The following MAS1 variants were observed in gnomAD, a reference collection of about 807,000 sequenced individuals.
The protein encoded by MAS1 is proto-oncogene Mas.
For missense variants in MAS1, 387 were observed against 409.7 expected, an observed-to-expected ratio of 0.94 and a Z score of 0.48; for synonymous variants, 163 against 164.2, an observed-to-expected ratio of 0.99 and a Z score of 0.05.
intron 1 of MAS1, among the ~76,000 whole-genome samples, chr6:159,894,418 CAAAAAAAAAAAAA>C (rs5881344): frequency 3.8e-5 from 3 of 79,134 alleles, no homozygotes; most frequent in Non-Finnish European, 5.1e-5. Flanking sequence ...GACCCTGTCT[CAAAAAAAAAAAAA>C]AAAAAAAAGA....
chr6:159,905,204 A>G (rs1562311605), intron 2 of MAS1, among the ~76,000 whole-genome samples: 1 of 152,204 alleles, frequency 6.6e-6, no homozygotes, highest in Non-Finnish European at 1.5e-5. Flanking sequence ...CCCAGTGCCT[A>G]GCACAGTGCC....
chr6:159,889,264 C>A (rs762917084), upstream of MAS1, among the ~76,000 whole-genome samples: 40 of 152,220 alleles, frequency 2.6e-4, 1 homozygote, highest in Non-Finnish European at 1.5e-5. Flanking sequence ...CTGGAAAAAG[C>A]AAATTGGTGA....
At chr6:159,899,580 G>C (rs932508343) in intron 2 of MAS1, among the ~76,000 whole-genome samples, 188 bp downstream of exon 2, 1 of 151,894 alleles carries the variant, frequency 6.6e-6, no homozygotes, top group Non-Finnish European at 1.5e-5. Context: ...AAACAACAAC[G>C]ACAACAAAAA....
At chr6:159,889,307 T>C (rs1782671953), upstream of MAS1, among the ~76,000 whole-genome samples, 2 of 152,212 alleles carry the variant, frequency 1.3e-5, no homozygotes, top group South Asian at 4.1e-4. Flanking sequence ...CATAATGACG[T>C]TGGAGTCCTC....
chr6:159,917,082 A>G lies in MAS1; in HGVS notation c.*9149A>G, dbSNP rs566104412. ...CACCTCCAGCCTGGAGTGTTTTGGGAATTCCCCATTCTGAAATGGTCTCCA... is the reference window on the plus strand; with the variant it reads ...CACCTCCAGCCTGGAGTGTTTTGGGGATTCCCCATTCTGAAATGGTCTCCA... On this transcript the variant is annotated 3_prime_UTR_variant, in exon 3 of 3. Coordinates refer to ENST00000674077, the MANE Select transcript of MAS1 (RefSeq NM_002377.4). Among the ~76,000 whole-genome samples, 1 of 152,258 alleles carries G rather than the reference A, an allele frequency of 6.6e-6. No individual in the cohort carries two copies. The highest frequency in any genetic ancestry group is 2.4e-5 in the African/African-American group (1 of 41,554).
At chr6:159,890,232 C>CA (rs1562307764), upstream of MAS1, among the ~76,000 whole-genome samples, 1 of 151,986 alleles carries the variant, frequency 6.6e-6, no homozygotes, top group African/African-American at 2.4e-5. Context: ...GGTAGAAAAA[C>CA]AAAAAACCTA....
rs558795122 is a variant in MAS1, at chr6:159,895,735, T to C, written c.-243-3451T>C. Among the ~76,000 whole-genome samples the C allele has an allele frequency of 5.3e-5, 8 of 152,366 alleles. No homozygotes were observed. The East Asian group carries it at 1.3e-3, about 26-fold the overall frequency. ...AAGATGTTGTAGAAAAAGAAACATATATATGCTGTGAAAAAAACTTTATAT... is the reference window on the plus strand; with the variant it reads ...AAGATGTTGTAGAAAAAGAAACATACATATGCTGTGAAAAAAACTTTATAT... On this transcript the variant is annotated intron_variant, in intron 1 of 2. Transcript: ENST00000674077.
chr6:159,908,133 G>C lies in MAS1; in HGVS notation c.*200G>C. 1.9e-6 allele frequency: 1 copy of C among 514,316 alleles called. No individual in the cohort carries two copies. Among genetic ancestry groups the C allele is most frequent in the East Asian group, 3.3e-5 (1 of 30,294 alleles). 31.9% of individuals were successfully genotyped at this position (514,316 alleles called of 1,614,324 possible). A position where few individuals can be genotyped will look rare whatever the true frequency, so the allele number is the denominator to read the frequency against. ...ACCTGTCATTTCTGTACTTGACAAA[G>C]ACTCTATTTCTTTCAGCTCTTTTGG... On this transcript the variant is annotated 3_prime_UTR_variant, in exon 3 of 3. Coordinates refer to ENST00000674077, the MANE Select transcript of MAS1 (RefSeq NM_002377.4).
rs1783009309 is a variant in MAS1 at position 159,915,273 on chromosome 6, T to C, written c.*7340T>C. The C allele has an allele frequency of 6.6e-6, 1 of 152,218 alleles. No individual in the cohort carries two copies. Among genetic ancestry groups the C allele is most frequent in the South Asian group, 2.1e-4 (1 of 4,838 alleles). 9.4% of individuals were successfully genotyped at this position (152,218 alleles called of 1,614,324 possible). A position where few individuals can be genotyped will look rare whatever the true frequency, so the allele number is the denominator to read the frequency against. The stretch of plus-strand genomic sequence containing the variant: ...TTTTGCACGTTGTTCATTACACAAG[T>C]AGAATATACTTATGTGACTACCCGT... On this transcript the variant is annotated 3_prime_UTR_variant, in exon 3 of 3. Transcript: ENST00000674077.
At chr6:159,904,425 C>T (rs1380030561) in intron 2 of MAS1, among the ~76,000 whole-genome samples, 1 of 152,150 alleles carries the variant, frequency 6.6e-6, no homozygotes, top group Non-Finnish European at 1.5e-5. Context: ...TTCACCTGCA[C>T]CTGTCCATTC....
Position 159,906,980 on chromosome 6 carries a change from TTTG to T in MAS1, c.32_34del (p.Val11del). On this transcript the variant is annotated inframe_deletion, in exon 3 of 3. Transcript: ENST00000674077. ...CATGGATGGGTCAAACGTGACATCA[TTTG>T]TTGTTGAGGAACCCACGAACATCTC... The T allele has an allele frequency of 2.5e-6, 4 of 1,608,388 alleles. No individual in the cohort carries two copies.
chr6:159,895,664 C>T (rs1463122314), intron 1 of MAS1, among the ~76,000 whole-genome samples: 1 of 152,044 alleles, frequency 6.6e-6, no homozygotes, highest in Non-Finnish European at 1.5e-5. Context: ...CAAATTAAAA[C>T]AAGGTATCTT....
Position 159,907,248 on chromosome 6 carries a change from C to A in MAS1, c.293C>A (p.Ser98Tyr). The change falls in exon 3 of 3, where the codon TCT becomes TAT. Residue 98 changes from serine to tyrosine, a missense_variant. Coordinates refer to ENST00000674077, the MANE Select transcript of MAS1 (RefSeq NM_002377.4). ...GACTATGCTTTAGATTATGAGCTTT[C>A]TTCTGGCCATTACTACACAATTGTC... Reference protein sequence around the residue: ...SIDYALDYELSSGHYYTIVTL... With the variant: ...SIDYALDYELYSGHYYTIVTL... 2 of 1,614,204 alleles carry A rather than the reference C, an allele frequency of 1.2e-6. No homozygotes were observed. The highest frequency in any genetic ancestry group is 2.2e-5 in the East Asian group (1 of 44,888).
rs1782988205 is a variant in MAS1 at position 159,913,527 on chromosome 6, T to A, written c.*5594T>A. 1 of 152,180 alleles carries A rather than the reference T, an allele frequency of 6.6e-6. No individual in the cohort carries two copies. The highest frequency in any genetic ancestry group is 2.1e-4 in the South Asian group (1 of 4,824). 9.4% of individuals were successfully genotyped at this position (152,180 alleles called of 1,614,324 possible). On this transcript the variant is annotated 3_prime_UTR_variant, in exon 3 of 3. Transcript: ENST00000674077. The stretch of plus-strand genomic sequence containing the variant: ...GCTGAGGCAGAAGCCACCTGAAGGC[T>A]TGACTAGGCAGGGCAATCGAGGTGG...
At position 159,909,070 on chromosome 6, in the gene MAS1, C is replaced by T. The variant is rs768149063; in HGVS notation, c.*1137C>T. On this transcript the variant is annotated 3_prime_UTR_variant, in exon 3 of 3. Transcript: ENST00000674077. ...ATCCTGGAGGACTCTGATATTTTTG[C>T]TCATGACAGATCCTTGCATGACTTC... The T allele has an allele frequency of 1.3e-5, 2 of 151,342 alleles. No individual in the cohort carries two copies. Among genetic ancestry groups the T allele is most frequent in the Non-Finnish European group, 2.9e-5 (2 of 67,970 alleles). The allele number at this position is 151,342 out of a possible 1,614,324, so 9.4% of individuals were successfully genotyped here.
chr6:159,893,517 G>A (rs1275019872), intron 1 of MAS1, among the ~76,000 whole-genome samples: 1 of 152,176 alleles, frequency 6.6e-6, no homozygotes, highest in East Asian at 1.9e-4. Flanking sequence ...TTGATCAAAT[G>A]AGTAAATGCA....
At chr6:159,897,126 G>A (rs939136968) in intron 1 of MAS1, among the ~76,000 whole-genome samples, 3 of 151,928 alleles carry the variant, frequency 2.0e-5, no homozygotes, top group Non-Finnish European at 2.9e-5. Context: ...CGCCCGCCTC[G>A]GCCTCCCAAA....
chr6:159,895,079 G>A (rs1032682999), intron 1 of MAS1, among the ~76,000 whole-genome samples: 12 of 152,228 alleles, frequency 7.9e-5, no homozygotes, highest in Middle Eastern at 3.4e-3. Context: ...TGCTTCTGGC[G>A]ACATAAAAGC....
chr6:159,893,241 G>A (rs1370767352), intron 1 of MAS1, among the ~76,000 whole-genome samples: 1 of 152,244 alleles, frequency 6.6e-6, no homozygotes, highest in African/African-American at 2.4e-5. Flanking sequence ...ATCCCCATGG[G>A]GGCAGCCACG....
Sources: allele counts gnomAD v4.1 joint callset (sites outside exome capture counted in the v4.1 genomes callset), GRCh38; gene constraint gnomAD v4.1.1; transcripts MANE v1.5; gene names NCBI Gene and HGNC (gene_info 2026-07-23, HGNC 2026-07-21).